Variants in OOEP observed in about 807,000 individuals in gnomAD.
The protein encoded by OOEP is oocyte-expressed protein homolog.
Under a neutral mutation model 13.7 loss-of-function variants are expected in OOEP, and 16 were observed. That is an observed-to-expected ratio of 1.16 (90% CI 0.79 to 1.77). OOEP has a LOEUF of 1.77. Among genes scored for constraint, OOEP ranks in the 40% most tolerant of loss-of-function variants. The pLI is 0.00. For synonymous variants in OOEP, 89 were observed against 77.1 expected, an observed-to-expected ratio of 1.15 and a Z score of -0.81; for missense variants, 195 against 193.1, an observed-to-expected ratio of 1.01 and a Z score of -0.06.
intron 1 of OOEP, chr6:73,394,597 C>A (rs1769417767): frequency 3.9e-6 from 2 of 518,896 alleles, no homozygotes; most frequent in Non-Finnish European, 6.7e-6. Context: ...AAGTCCCACG[C>A]CTGGAAAGGA....
chr6:73,374,848 A>G (rs6903886), upstream of OOEP, among the ~76,000 whole-genome samples: 43,546 of 152,178 alleles, frequency 0.29, 6,440 homozygotes, highest in Admixed American at 0.36. Flanking sequence ...TTTTTGAGAC[A>G]GAGTCTCGCT....
In OOEP at chr6:73,368,923, T is replaced by A. The variant is rs1768998955; in HGVS notation, c.371-60A>T. 3.8e-6 allele frequency: 5 copies of A among 1,318,266 alleles called. No homozygotes were observed. The Admixed American group carries it at 8.6e-5, about 23-fold the overall frequency. 81.7% of individuals were successfully genotyped at this position (1,318,266 alleles called of 1,614,324 possible). ...GGGACAAGTGTTTGCTGTTTCGAAC[T>A]ACTCCGTGACTGGGAGTTGGGGAGG... On this transcript the variant is annotated intron_variant, in intron 2 of 2. Coordinates refer to ENST00000370359, the MANE Select transcript of OOEP (RefSeq NM_001080507.3).
upstream of OOEP, chr6:73,373,298 C>T (rs140831942): frequency 1.3e-4 from 208 of 1,565,600 alleles, no homozygotes; most frequent in East Asian, 2.4e-3. Context: ...ACCACGATGG[C>T]GGAGAAAGGA....
At position 73,369,818 on chromosome 6, in the gene OOEP, GCTC is replaced by G. The variant is rs748086198; in HGVS notation, c.-29_-27del. 2 of 1,597,832 alleles carry G rather than the reference GCTC, an allele frequency of 1.3e-6. No individual in the cohort carries two copies. The highest frequency in any genetic ancestry group is 4.5e-5 in the East Asian group (2 of 44,620). On this transcript the variant is annotated 5_prime_UTR_variant, in exon 1 of 3. Coordinates refer to ENST00000370359, the MANE Select transcript of OOEP (RefSeq NM_001080507.3). ...ACTGGGACCAGCAGCCGCGGAGCGC[GCTC>G]GAGGCGGCTTTCGCAAGACCTCTTC...
At chr6:73,380,090 T>C (rs1769182068) in intron 2 of OOEP, among the ~76,000 whole-genome samples, 1 of 152,184 alleles carries the variant, frequency 6.6e-6, no homozygotes, top group Non-Finnish European at 1.5e-5. Flanking sequence ...TAGGAAAATA[T>C]TGGTTTATTG....
chr6:73,370,969 T>C (rs538995406), upstream of OOEP, among the ~76,000 whole-genome samples: 3 of 152,086 alleles, frequency 2.0e-5, no homozygotes, highest in Admixed American at 6.6e-5. Flanking sequence ...TTTTTGTTGT[T>C]GTTGTTGTTT....
upstream of OOEP, among the ~76,000 whole-genome samples, chr6:73,371,762 A>T (rs780292): frequency 0.48 from 66,497 of 139,644 alleles, 15,605 homozygotes; most frequent in Non-Finnish European, 0.55. Flanking sequence ...AAAATAAAAA[A>T]AAATAAAAAT....
At chr6:73,371,306 T>C (rs936897683), upstream of OOEP, among the ~76,000 whole-genome samples, 2 of 152,026 alleles carry the variant, frequency 1.3e-5, no homozygotes, top group Admixed American at 1.3e-4. Flanking sequence ...CAATAAACAT[T>C]TAAAACCTTA....
chr6:73,385,142 T>C lies in OOEP; in HGVS notation c.25+9204A>G, dbSNP rs543541202. Among the ~76,000 whole-genome samples the C allele has an allele frequency of 1.4e-4, 21 of 151,596 alleles. No homozygotes were observed. The East Asian group carries it at 1.4e-3, about 10-fold the overall frequency. On this transcript the variant is annotated intron_variant, in intron 2 of 3. Coordinates refer to the OOEP transcript ENST00000370363. ...TGGGCAGATCACTAGGTCAGGAGAT[T>C]GAGACCATCCTGGCTAACATGGTGA...
chr6:73,378,112 C>T (rs1264305141), intron 2 of OOEP, among the ~76,000 whole-genome samples: 2 of 150,098 alleles, frequency 1.3e-5, no homozygotes, highest in South Asian at 2.1e-4. Flanking sequence ...ATTTTTTTTT[C>T]TTTTTTTTGA....
intron 2 of OOEP, among the ~76,000 whole-genome samples, chr6:73,386,445 A>T (rs1769273775): frequency 6.6e-6 from 1 of 152,210 alleles, no homozygotes; most frequent in South Asian, 2.1e-4. Flanking sequence ...CAAAAAATAA[A>T]CAAACAAATA....
chr6:73,377,259 G>A (rs1161311454), intron 2 of OOEP, among the ~76,000 whole-genome samples: 1 of 152,202 alleles, frequency 6.6e-6, no homozygotes, highest in Non-Finnish European at 1.5e-5. Context: ...CTGTAAAGAT[G>A]AGACACAAAC....
In OOEP at chr6:73,394,922, G is replaced by A. The variant is rs35097680; in HGVS notation, c.-322C>T. 2.9e-3 allele frequency: 4,695 copies of A among 1,614,190 alleles called. 110 individuals are homozygous for A. The African/African-American group carries it at 0.055, about 19-fold the overall frequency. ...CTTGGAACAATGTCCCACCACGGAG[G>A]AGCTCCCAAGGCCTCTACGTGGGTC... On this transcript the variant is annotated 5_prime_UTR_variant, in exon 1 of 4. Coordinates refer to the OOEP transcript ENST00000370363.
At chr6:73,374,111 G>GCA (rs1041165650), upstream of OOEP, among the ~76,000 whole-genome samples, 1 of 151,986 alleles carries the variant, frequency 6.6e-6, no homozygotes, top group Admixed American at 6.6e-5. Flanking sequence ...TAGCCTGAGT[G>GCA]CACAAGGTCG....
intron 2 of OOEP, among the ~76,000 whole-genome samples, chr6:73,389,833 CTT>C (rs1215433309): frequency 1.3e-5 from 2 of 152,184 alleles, no homozygotes; most frequent in South Asian, 2.1e-4. Flanking sequence ...TACCATAAAA[CTT>C]AAAGTATAAT....
At position 73,369,630 on chromosome 6, in the gene OOEP, C is replaced by T; in HGVS notation, c.163G>A (p.Glu55Lys). Reference sequence around the variant, plus strand: ...AAGAGCTCGTCTGCCAGCCATGCCTCTAGGTAGAACACCAAAGGGTCTCTC... The same window carrying T: ...AAGAGCTCGTCTGCCAGCCATGCCTTTAGGTAGAACACCAAAGGGTCTCTC... ...ELRDPLVFYL[E>K]AWLADELFGP... is the part of the protein sequence containing the mutation. The change falls in exon 1 of 3, where the codon GAG becomes AAG. Residue 55 changes from glutamate (E) to lysine (K), a missense_variant. Transcript: ENST00000370359. 1.2e-6 allele frequency: 2 copies of T among 1,614,022 alleles called. No homozygotes were observed. The highest frequency in any genetic ancestry group is 1.1e-5 in the South Asian group (1 of 91,084).
At chr6:73,380,239 C>G (rs1440897920) in intron 2 of OOEP, among the ~76,000 whole-genome samples, 1 of 149,114 alleles carries the variant, frequency 6.7e-6, no homozygotes, top group Non-Finnish European at 1.5e-5. Flanking sequence ...ACAAGTTTTC[C>G]AAAATTCTTT....
At chr6:73,370,025 A>G, upstream of OOEP, 2 of 556,196 alleles carry the variant, frequency 3.6e-6, no homozygotes, top group South Asian at 2.2e-5. Flanking sequence ...ACCTTGAACT[A>G]GTATTCATTT....
upstream of OOEP, among the ~76,000 whole-genome samples, chr6:73,372,883 C>G (rs1237678364): frequency 6.8e-6 from 1 of 148,148 alleles, no homozygotes; most frequent in Admixed American, 6.8e-5. Flanking sequence ...CCGGAAGATT[C>G]TTTCTCACCT....
Sources: gnomAD v4.1 joint callset for allele counts (sites outside exome capture counted in the v4.1 genomes callset) on GRCh38, gnomAD v4.1.1 for gene constraint, MANE v1.5 for transcripts, NCBI Gene and HGNC (gene_info 2026-07-23, HGNC 2026-07-21) for gene names.